Variants in C1QTNF7 observed in about 807,000 individuals in gnomAD.
C1QTNF7 encodes C1q and TNF related 7.
A neutral mutation model predicts 19.6 loss-of-function variants in C1QTNF7; 15 were observed. The ratio of observed to expected loss-of-function variants is 0.76; its 90% CI spans 0.51 to 1.18. C1QTNF7 has a LOEUF of 1.18. C1QTNF7 is among the 50% of genes most tolerant of loss of function. C1QTNF7 has a pLI of 0.00. For missense variants in C1QTNF7, 324 were observed against 359.7 expected (o/e 0.90, Z 0.80); for synonymous variants, 142 against 137.5 (o/e 1.03, Z -0.23).
chr4:15,363,574 T>C (rs1011551478), intron 1 of C1QTNF7, among the ~76,000 whole-genome samples: 1 of 152,158 alleles, frequency 6.6e-6, no homozygotes. Flanking sequence ...CAACCTCTGC[T>C]TACTTATTAT....
chr4:15,378,566 T>A (rs962330254), intron 1 of C1QTNF7, among the ~76,000 whole-genome samples: 9 of 152,304 alleles, frequency 5.9e-5, no homozygotes, highest in Admixed American at 2.0e-4. Flanking sequence ...TAATTAACAA[T>A]TTTTTTAAAA....
intron 1 of C1QTNF7, among the ~76,000 whole-genome samples, chr4:15,375,412 T>A (rs1717902569): frequency 6.6e-6 from 1 of 152,196 alleles, no homozygotes; most frequent in Non-Finnish European, 1.5e-5. Flanking sequence ...AGCAGAAATA[T>A]CTAAATTGTG....
intron 1 of C1QTNF7, among the ~76,000 whole-genome samples, chr4:15,413,880 T>G (rs1719493802): frequency 6.6e-6 from 1 of 152,184 alleles, no homozygotes; most frequent in South Asian, 2.1e-4. Context: ...GTTCCAATCC[T>G]CTCAAACACA....
chr4:15,343,256 G>A (rs1716606796), intron 1 of C1QTNF7, among the ~76,000 whole-genome samples: 1 of 152,150 alleles, frequency 6.6e-6, no homozygotes, highest in Non-Finnish European at 1.5e-5. Context: ...AACGCATGCT[G>A]GAAAATGGTG....
At chr4:15,422,604 T>C (rs1172890302) in intron 1 of C1QTNF7, among the ~76,000 whole-genome samples, 3 of 152,080 alleles carry the variant, frequency 2.0e-5, no homozygotes, top group Non-Finnish European at 2.9e-5. Context: ...GTTTAAAACT[T>C]TCGATAATTT....
chr4:15,371,670 G>A (rs1231896592), intron 1 of C1QTNF7, among the ~76,000 whole-genome samples: 4 of 152,182 alleles, frequency 2.6e-5, no homozygotes, highest in Non-Finnish European at 4.4e-5. Context: ...AGAATATAGC[G>A]AGGAAGAGCA....
At chr4:15,351,700 A>C (rs1223295906) in intron 1 of C1QTNF7, among the ~76,000 whole-genome samples, 2 of 152,202 alleles carry the variant, frequency 1.3e-5, no homozygotes, top group Non-Finnish European at 2.9e-5. Context: ...GCCAAAGTAG[A>C]GAACCACAGT....
At chr4:15,440,515 C>A (rs1344912193) in intron 2 of C1QTNF7, among the ~76,000 whole-genome samples, 2 of 151,608 alleles carry the variant, frequency 1.3e-5, no homozygotes, top group Non-Finnish European at 2.9e-5. Flanking sequence ...TCAAGCAATT[C>A]CCCTGCCTCA....
At chr4:15,376,564 C>G (rs1011745581) in intron 1 of C1QTNF7, among the ~76,000 whole-genome samples, 5 of 152,176 alleles carry the variant, frequency 3.3e-5, no homozygotes, top group African/African-American at 1.2e-4. Flanking sequence ...TTGATATAGA[C>G]AAAGTATTGT....
chr4:15,355,089 A>C (rs1194478876), intron 1 of C1QTNF7, among the ~76,000 whole-genome samples: 1 of 152,140 alleles, frequency 6.6e-6, no homozygotes, highest in Non-Finnish European at 1.5e-5. Flanking sequence ...TAGCCATGTG[A>C]CCTTGGACAA....
At chr4:15,400,955 A>G (rs554709327) in intron 1 of C1QTNF7, among the ~76,000 whole-genome samples, 1 of 152,256 alleles carries the variant, frequency 6.6e-6, no homozygotes, top group Admixed American at 6.5e-5. Context: ...CATGTAGGTA[A>G]TTCATGTTTT....
chr4:15,441,214 T>C (rs1308811022), intron 2 of C1QTNF7, among the ~76,000 whole-genome samples: 2 of 152,120 alleles, frequency 1.3e-5, no homozygotes, highest in African/African-American at 4.8e-5. Flanking sequence ...AGGCATGAGG[T>C]CAGACCACAG....
At chr4:15,357,222 G>T (rs958414499) in intron 1 of C1QTNF7, among the ~76,000 whole-genome samples, 1 of 152,040 alleles carries the variant, frequency 6.6e-6, no homozygotes, top group Non-Finnish European at 1.5e-5. Context: ...GGGTTTTTGT[G>T]GTGTTAGGTC....
At chr4:15,381,557 C>T (rs999638409) in intron 1 of C1QTNF7, among the ~76,000 whole-genome samples, 4 of 152,060 alleles carry the variant, frequency 2.6e-5, no homozygotes, top group Non-Finnish European at 4.4e-5. Context: ...GTCTGAATTC[C>T]AGCTGTGCAC....
intron 1 of C1QTNF7, among the ~76,000 whole-genome samples, chr4:15,402,964 G>C (rs1039304955): frequency 6.8e-6 from 1 of 146,268 alleles, no homozygotes; most frequent in African/African-American, 2.5e-5. Flanking sequence ...GTGAAAGTTT[G>C]TTTTGCTTTG....
intron 1 of C1QTNF7, among the ~76,000 whole-genome samples, chr4:15,407,785 G>C (rs1184357987): frequency 6.6e-6 from 1 of 152,100 alleles, no homozygotes; most frequent in Non-Finnish European, 1.5e-5. Flanking sequence ...ATGTTAGCCG[G>C]GTGTGGTGGT....
At chr4:15,380,345 A>T (rs1485145341) in intron 1 of C1QTNF7, among the ~76,000 whole-genome samples, 6 of 151,614 alleles carry the variant, frequency 4.0e-5, no homozygotes, top group Non-Finnish European at 8.8e-5. Flanking sequence ...CTATCCAAGG[A>T]TGCCACTAGG....
intron 1 of C1QTNF7, chr4:15,374,669 T>C (rs918296287): frequency 1.0e-6 from 1 of 985,310 alleles, no homozygotes; most frequent in Non-Finnish European, 1.2e-6. Context: ...GAATTATGAA[T>C]AATCCTCGCT....
At chr4:15,369,026 C>A (rs971571543) in intron 1 of C1QTNF7, among the ~76,000 whole-genome samples, 1 of 152,270 alleles carries the variant, frequency 6.6e-6, no homozygotes, top group Admixed American at 6.5e-5. Flanking sequence ...CAGCCAGGGA[C>A]CATCTCTGCA....
Sources: allele counts gnomAD v4.1 joint callset (sites outside exome capture counted in the v4.1 genomes callset), GRCh38; gene constraint gnomAD v4.1.1; transcripts MANE v1.5; gene names NCBI Gene and HGNC (gene_info 2026-07-23, HGNC 2026-07-21).